Variants in KCND2 observed in about 807,000 individuals in gnomAD.
The protein encoded by KCND2 is A-type voltage-gated potassium channel KCND2.
A neutral mutation model predicts 54.4 loss-of-function variants in KCND2; 16 were observed. The observed-to-expected ratio is 0.29, with a 90% CI of 0.20 to 0.45. KCND2 has a LOEUF of 0.45. Among genes scored for constraint, KCND2 ranks in the 20% least tolerant of loss-of-function variants. KCND2 has a pLI of 1.00. For missense variants in KCND2, 486 were observed against 824.2 expected (o/e 0.59, Z 5.02); for synonymous variants, 317 against 310.7 (o/e 1.02, Z -0.21).
chr7:120,276,693 T>C (rs1426088781), intron 1 of KCND2, among the ~76,000 whole-genome samples: 4 of 152,140 alleles, frequency 2.6e-5, no homozygotes, highest in African/African-American at 7.2e-5. Flanking sequence ...GTTTTTAATA[T>C]ACTTTTAGGG....
At chr7:120,523,031 T>G (rs1006980198) in intron 1 of KCND2, among the ~76,000 whole-genome samples, 3 of 152,196 alleles carry the variant, frequency 2.0e-5, no homozygotes, top group Non-Finnish European at 4.4e-5. Flanking sequence ...AGAGCCCATG[T>G]AGGTGAACGA....
chr7:120,658,543 A>T (rs1172704011), intron 1 of KCND2, among the ~76,000 whole-genome samples: 2 of 152,178 alleles, frequency 1.3e-5, no homozygotes, highest in African/African-American at 4.8e-5. Flanking sequence ...TCATTAGACC[A>T]GTTTTCTGAG....
chr7:120,308,424 G>A (rs1278824335), intron 1 of KCND2, among the ~76,000 whole-genome samples: 1 of 152,054 alleles, frequency 6.6e-6, no homozygotes, highest in East Asian at 1.9e-4. Context: ...AGCTCTTTCA[G>A]TTTGTCTTTT....
At chr7:120,678,445 GTGTA>G (rs1163279938) in intron 1 of KCND2, among the ~76,000 whole-genome samples, 13 of 142,702 alleles carry the variant, frequency 9.1e-5, no homozygotes, top group Middle Eastern at 3.8e-3. Flanking sequence ...ACATTCATAT[GTGTA>G]TGTATGTAAG....
At chr7:120,351,520 A>G (rs1049151210) in intron 1 of KCND2, among the ~76,000 whole-genome samples, 2 of 151,814 alleles carry the variant, frequency 1.3e-5, no homozygotes, top group Non-Finnish European at 2.9e-5. Context: ...AGGAAGAAGC[A>G]TGCAGTAAAA....
chr7:120,302,728 A>G (rs1799604903), intron 1 of KCND2, among the ~76,000 whole-genome samples: 1 of 152,220 alleles, frequency 6.6e-6, no homozygotes, highest in Non-Finnish European at 1.5e-5. Context: ...GGACTTGTGT[A>G]CAAACTGTAT....
At chr7:120,352,302 G>A (rs926053665) in intron 1 of KCND2, among the ~76,000 whole-genome samples, 1 of 151,472 alleles carries the variant, frequency 6.6e-6, no homozygotes, top group African/African-American at 2.4e-5. Flanking sequence ...TTTAAAATCC[G>A]AAGGAAGCAA....
chr7:120,681,645 T>A (rs1792141217), intron 1 of KCND2, among the ~76,000 whole-genome samples: 1 of 152,070 alleles, frequency 6.6e-6, no homozygotes, highest in South Asian at 2.1e-4. Context: ...TTTTTATGTA[T>A]GTAAGTGAGT....
chr7:120,678,045 G>A (rs952263030), intron 1 of KCND2, among the ~76,000 whole-genome samples: 6 of 151,806 alleles, frequency 4.0e-5, no homozygotes, highest in Non-Finnish European at 7.4e-5. Context: ...TGGAATAGAT[G>A]GCTTTTATGA....
rs574223007 is a variant in KCND2, at chr7:120,321,369, A to C, written c.1115+45622A>C. Among the ~76,000 whole-genome samples the C allele has an allele frequency of 1.9e-4, 29 of 152,188 alleles. 1 individual carries two copies. Among genetic ancestry groups the C allele is most frequent in the African/African-American group, 6.7e-4 (28 of 41,526 alleles). On this transcript the variant is annotated intron_variant, in intron 1 of 5. Transcript: ENST00000331113. ...GGCATGTCTTGAACTCCTGACCTTA[A>C]GCAATCCTCCTGCCTCAGCCTCCCA...
At chr7:120,504,949 A>G (rs1485267312) in intron 1 of KCND2, among the ~76,000 whole-genome samples, 2 of 151,692 alleles carry the variant, frequency 1.3e-5, no homozygotes, top group African/African-American at 4.8e-5. Context: ...GACACTTAGA[A>G]ATATTGTTGC....
chr7:120,316,774 T>C (rs1251861756), intron 1 of KCND2, among the ~76,000 whole-genome samples: 1 of 152,154 alleles, frequency 6.6e-6, no homozygotes, highest in Non-Finnish European at 1.5e-5. Flanking sequence ...TTTTTTTTGT[T>C]GTACTGAATT....
At chr7:120,469,679 G>T (rs530282632) in intron 1 of KCND2, among the ~76,000 whole-genome samples, 1 of 152,168 alleles carries the variant, frequency 6.6e-6, no homozygotes, top group East Asian at 1.9e-4. Context: ...TAGCAGCCCT[G>T]GACTGTGACT....
At chr7:120,684,412 C>T (rs143058032) in intron 1 of KCND2, among the ~76,000 whole-genome samples, 1 of 152,006 alleles carries the variant, frequency 6.6e-6, no homozygotes, top group Non-Finnish European at 1.5e-5. Flanking sequence ...TGTAAATTTC[C>T]TTCTTGGTGA....
intron 1 of KCND2, among the ~76,000 whole-genome samples, chr7:120,685,897 C>G (rs1255930462): frequency 6.6e-6 from 1 of 152,110 alleles, no homozygotes; most frequent in Admixed American, 6.6e-5. Context: ...CCTGTGAAAT[C>G]TGTTTCTGCC....
rs1169589174 is a variant in KCND2, at chr7:120,733,622, C to A, written c.1278+557C>A. Among the ~76,000 whole-genome samples, 2 of 152,098 alleles carry A rather than the reference C, an allele frequency of 1.3e-5. 1 individual carries two copies. Among genetic ancestry groups the A allele is most frequent in the Non-Finnish European group, 2.9e-5 (2 of 68,032 alleles). ...GAGTCTCTATCTATCAAGGGTCAAA[C>A]TGGTTCCAGTAGACGAGGGTTATTA... On this transcript the variant is annotated intron_variant, in intron 2 of 5. Coordinates refer to ENST00000331113, the MANE Select transcript of KCND2 (RefSeq NM_012281.3).
At chr7:120,301,093 A>T (rs1038933412) in intron 1 of KCND2, among the ~76,000 whole-genome samples, 2 of 152,168 alleles carry the variant, frequency 1.3e-5, no homozygotes, top group African/African-American at 4.8e-5. Flanking sequence ...TGAATTATAT[A>T]CAACAATAAA....
intron 1 of KCND2, among the ~76,000 whole-genome samples, chr7:120,537,332 C>A (rs1791924927): frequency 6.6e-6 from 1 of 152,106 alleles, no homozygotes; most frequent in Non-Finnish European, 1.5e-5. Context: ...ATGCTGTAAA[C>A]CCATATGCTG....
chr7:120,648,301 G>A (rs1279539434), intron 1 of KCND2, among the ~76,000 whole-genome samples: 1 of 152,004 alleles, frequency 6.6e-6, no homozygotes, highest in Non-Finnish European at 1.5e-5. Context: ...AAAGGAGAGA[G>A]AAAATGAATG....
Sources: allele counts gnomAD v4.1 joint callset (sites outside exome capture counted in the v4.1 genomes callset), GRCh38; gene constraint gnomAD v4.1.1; transcripts MANE v1.5; gene names NCBI Gene and HGNC (gene_info 2026-07-23, HGNC 2026-07-21).